NCKAP1: variants seen among roughly 807,000 people sequenced by gnomAD.
NCKAP1 encodes the protein NCK associated protein 1.
NCKAP1 carries 21 observed loss-of-function variants against 151.2 expected under a neutral mutation model. That is an observed-to-expected ratio of 0.14 (90% confidence interval 0.10 to 0.20). The LOEUF is 0.20. Among genes scored for constraint, NCKAP1 ranks in the 10% least tolerant of loss-of-function variants. The pLI is 1.00. For missense variants in NCKAP1, 933 were observed against 1,352.1 expected, an observed-to-expected ratio of 0.69 and a Z score of 4.86; for synonymous variants, 484 against 451.8, an observed-to-expected ratio of 1.07 and a Z score of -0.90.
chr2:182,917,516 C>A lies in NCKAP1; in HGVS notation c.*8186G>T, dbSNP rs1458485460. On this transcript the variant is annotated 3_prime_UTR_variant, in exon 31 of 31. Transcript: ENST00000361354. ...AAATGACTAAAATGCTCCATCATTA[C>A]AATCATTGATACATAATAGGTTGCC... is the stretch of plus-strand genomic sequence containing the variant. 2 of 152,170 alleles carry A rather than the reference C, an allele frequency of 1.3e-5. No individual in the cohort carries two copies. Among genetic ancestry groups the A allele is most frequent in the Non-Finnish European group, 1.5e-5 (1 of 68,024 alleles). 9.4% of individuals were successfully genotyped at this position (152,170 alleles called of 1,614,324 possible).
chr2:182,964,610 T>A, intron 17 of NCKAP1, 66 bp downstream of exon 17: 1 of 1,328,940 alleles, frequency 7.5e-7, no homozygotes, highest in Non-Finnish European at 1.0e-6. Flanking sequence ...AAATATTTGG[T>A]TGGCTACAGG....
At chr2:183,018,354 G>A (rs564177966) in intron 2 of NCKAP1, among the ~76,000 whole-genome samples, 20 of 152,308 alleles carry the variant, frequency 1.3e-4, no homozygotes, top group African/African-American at 3.6e-4. Flanking sequence ...CTGGTTTACT[G>A]AATCCAGAGT....
chr2:183,008,980 T>C (rs918012360), intron 2 of NCKAP1, among the ~76,000 whole-genome samples: 1 of 152,174 alleles, frequency 6.6e-6, no homozygotes, highest in African/African-American at 2.4e-5. Context: ...TTAAAATCTT[T>C]TGTAGTGTAT....
intron 2 of NCKAP1, 45 bp downstream of exon 2, chr2:183,023,760 TA>T (rs1433130068): frequency 1.4e-6 from 2 of 1,473,036 alleles, no homozygotes. Context: ...ACTGTTTCTC[TA>T]AAAGATGCTT....
intron 25 of NCKAP1, among the ~76,000 whole-genome samples, 161 bp from the exon 26 acceptor site, chr2:182,934,993 T>C (rs182493991): frequency 6.6e-6 from 1 of 152,166 alleles, no homozygotes; most frequent in Non-Finnish European, 1.5e-5. Context: ...GAAAATTAAA[T>C]GGATTCAAAA....
intron 13 of NCKAP1, among the ~76,000 whole-genome samples, chr2:182,979,408 T>C (rs1462428762): frequency 6.6e-6 from 1 of 152,096 alleles, no homozygotes; most frequent in Non-Finnish European, 1.5e-5. Context: ...CTCAACAAAA[T>C]TAAGACCTAA....
intron 1 of NCKAP1, among the ~76,000 whole-genome samples, chr2:183,029,520 A>G (rs1025503621): frequency 6.6e-6 from 1 of 151,942 alleles, no homozygotes; most frequent in Non-Finnish European, 1.5e-5. Flanking sequence ...ATTAAGCAAC[A>G]ATCAAGACAC....
At chr2:182,944,287 T>TA (rs551740172) in intron 23 of NCKAP1, among the ~76,000 whole-genome samples, 8 of 152,014 alleles carry the variant, frequency 5.3e-5, no homozygotes, top group East Asian at 1.9e-4. Flanking sequence ...AGATTTTTTT[T>TA]AAAAAAAAGT....
At position 182,962,773 on chromosome 2, in the gene NCKAP1, A is replaced by C. The variant is rs1423149410; in HGVS notation, c.1762-495T>G. ...GGTGAGAAATCAATTTGGTAATAGA[A>C]AGTCCAAGGCATTCAAATCTCTAAA... On this transcript the variant is annotated intron_variant, in intron 17 of 30. Coordinates refer to ENST00000361354, the MANE Select transcript of NCKAP1 (RefSeq NM_013436.5). Among the ~76,000 whole-genome samples, 3 of 151,952 alleles carry C rather than the reference A, an allele frequency of 2.0e-5. No individual in the cohort carries two copies. In the East Asian group the frequency reaches 5.8e-4, roughly 29 times the overall value.
At chr2:182,963,967 T>C (rs568427449) in intron 17 of NCKAP1, among the ~76,000 whole-genome samples, 2 of 152,290 alleles carry the variant, frequency 1.3e-5, no homozygotes, top group South Asian at 4.1e-4. Context: ...AAACTGACCA[T>C]GTTCCTGCTA....
intron 18 of NCKAP1, among the ~76,000 whole-genome samples, chr2:182,960,395 T>C (rs536893266): frequency 1.3e-5 from 2 of 152,212 alleles, no homozygotes; most frequent in East Asian, 3.9e-4. Context: ...TATAGACCAA[T>C]GGAACAGAAC....
At chr2:182,997,669 A>G (rs1698296173) in intron 6 of NCKAP1, among the ~76,000 whole-genome samples, 1 of 152,294 alleles carries the variant, frequency 6.6e-6, no homozygotes, top group South Asian at 2.1e-4. Flanking sequence ...GAAATCCTGA[A>G]CAGACCAATG....
intron 15 of NCKAP1, among the ~76,000 whole-genome samples, chr2:182,967,774 C>G (rs1353835943): frequency 6.6e-6 from 1 of 152,138 alleles, no homozygotes; most frequent in Admixed American, 6.6e-5. Flanking sequence ...TTAGAGTATA[C>G]TGATTCACTA....
Position 182,917,517 on chromosome 2 carries a change from A to G in NCKAP1, c.*8185T>C, listed in dbSNP as rs929865982. On this transcript the variant is annotated 3_prime_UTR_variant, in exon 31 of 31. Coordinates refer to ENST00000361354, the MANE Select transcript of NCKAP1 (RefSeq NM_013436.5). ...AATGACTAAAATGCTCCATCATTAC[A>G]ATCATTGATACATAATAGGTTGCCC... The G allele has an allele frequency of 3.3e-5, 5 of 152,214 alleles. No homozygotes were observed. The highest frequency in any genetic ancestry group is 1.2e-4 in the African/African-American group (5 of 41,458). 9.4% of individuals were successfully genotyped at this position (152,214 alleles called of 1,614,324 possible).
chr2:182,994,098 G>T (rs1016015794), intron 8 of NCKAP1, among the ~76,000 whole-genome samples: 3 of 152,070 alleles, frequency 2.0e-5, no homozygotes, highest in Non-Finnish European at 4.4e-5. Context: ...TTTATCTCCT[G>T]TGCATCTAAA....
intron 20 of NCKAP1, among the ~76,000 whole-genome samples, chr2:182,955,682 C>T (rs986881517): frequency 2.0e-5 from 3 of 152,166 alleles, no homozygotes; most frequent in Admixed American, 6.5e-5. Context: ...CGCATCTTAA[C>T]ACTGCAAGTC....
chr2:182,985,311 T>C (rs1049737772), intron 10 of NCKAP1, among the ~76,000 whole-genome samples: 1 of 152,192 alleles, frequency 6.6e-6, no homozygotes, highest in Non-Finnish European at 1.5e-5. Flanking sequence ...CTGTATATAG[T>C]ACCTAAGTTA....
rs138591430 is a variant in NCKAP1 at position 182,939,780 on chromosome 2, C to A, written c.2695+2290G>T. On this transcript the variant is annotated intron_variant, in intron 24 of 30. Transcript: ENST00000361354. ...CAGTTCAATTGCTGAAAAAATAGTT[C>A]TCTCTACTCTCCTAAATGAGTCACT... is the stretch of plus-strand genomic sequence containing the variant. Among the ~76,000 whole-genome samples, 598 of 152,224 alleles carry A rather than the reference C, an allele frequency of 3.9e-3. 1 individual carries two copies. The highest frequency in any genetic ancestry group is 6.1e-3 in the Non-Finnish European group (413 of 67,978).
chr2:183,029,658 A>C (rs185467574), intron 1 of NCKAP1, among the ~76,000 whole-genome samples: 167 of 152,024 alleles, frequency 1.1e-3, no homozygotes, highest in African/African-American at 3.9e-3. Context: ...TGTCTCTACA[A>C]AATGTTTAAA....
Sources: allele counts gnomAD v4.1 joint callset (sites outside exome capture counted in the v4.1 genomes callset), GRCh38; gene constraint gnomAD v4.1.1; transcripts MANE v1.5; gene names NCBI Gene and HGNC (gene_info 2026-07-23, HGNC 2026-07-21).